Variants in KCNMA1 observed in about 807,000 individuals in gnomAD.
The protein encoded by KCNMA1 is Calcium-activated potassium channel subunit alpha-1.
A neutral mutation model predicts 140.0 loss-of-function variants in KCNMA1; 29 were observed. The ratio of observed to expected loss-of-function variants is 0.21; its 90% CI spans 0.15 to 0.28. The LOEUF (loss-of-function observed/expected upper bound fraction) is 0.28, where lower values mean the gene tolerates loss of function less well. Among genes scored for constraint, KCNMA1 ranks in the 10% least tolerant of loss-of-function variants. The pLI is 1.00. For synonymous variants in KCNMA1, 612 were observed against 611.9 expected, an observed-to-expected ratio of 1.00 and a Z score of 0.00; for missense variants, 880 against 1,602.2, an observed-to-expected ratio of 0.55 and a Z score of 7.70.
chr10:77,524,533 T>C (rs184707780), intron 1 of KCNMA1, among the ~76,000 whole-genome samples: 26 of 152,264 alleles, frequency 1.7e-4, no homozygotes, highest in African/African-American at 6.3e-4. Context: ...TCTGACACTC[T>C]CAAAAACATG....
At chr10:76,876,261 T>A (rs2032360077), downstream of KCNMA1, 1 of 152,646 alleles carries the variant, frequency 6.6e-6, no homozygotes, top group Non-Finnish European at 1.5e-5. Flanking sequence ...TTAGCTTGGT[T>A]CCATTAAGTG....
intron 12 of KCNMA1, among the ~76,000 whole-genome samples, chr10:77,082,705 C>T (rs1034966989): frequency 2.0e-5 from 3 of 151,988 alleles, no homozygotes; most frequent in Non-Finnish European, 2.9e-5. Context: ...GTAACTGATT[C>T]GGGAATGAGC....
intron 15 of KCNMA1, among the ~76,000 whole-genome samples, chr10:77,035,754 A>G (rs944205111): frequency 6.6e-6 from 1 of 152,212 alleles, no homozygotes; most frequent in African/African-American, 2.4e-5. Context: ...AAGTGCTTCT[A>G]TTATATTCAA....
intron 2 of KCNMA1, among the ~76,000 whole-genome samples, chr10:77,334,361 T>C (rs2087918798): frequency 1.3e-5 from 2 of 152,216 alleles, no homozygotes; most frequent in African/African-American, 4.8e-5. Flanking sequence ...GGTCTTTATA[T>C]ATGTAAATTA....
intron 2 of KCNMA1, among the ~76,000 whole-genome samples, chr10:77,373,283 T>G (rs780170780): frequency 6.6e-6 from 1 of 152,218 alleles, no homozygotes; most frequent in African/African-American, 2.4e-5. Context: ...AAAATTATAC[T>G]TTGCCACCCA....
chr10:77,627,543 A>G (rs1392594791), intron 1 of KCNMA1, among the ~76,000 whole-genome samples: 1 of 152,196 alleles, frequency 6.6e-6, no homozygotes, highest in East Asian at 1.9e-4. Context: ...GAACCCAGGG[A>G]AGCCATCAGG....
intron 2 of KCNMA1, among the ~76,000 whole-genome samples, chr10:77,371,820 C>T (rs1337433648): frequency 6.6e-6 from 1 of 152,204 alleles, no homozygotes; most frequent in Non-Finnish European, 1.5e-5. Flanking sequence ...TGCTTCTAGG[C>T]TCTGCTGGGA....
At chr10:77,015,566 C>T (rs1224941803) in intron 17 of KCNMA1, among the ~76,000 whole-genome samples, 1 of 152,054 alleles carries the variant, frequency 6.6e-6, no homozygotes, top group African/African-American at 2.4e-5. Context: ...CACACTTATC[C>T]CCAGAACTCC....
At chr10:77,324,607 C>T (rs2083331738) in intron 2 of KCNMA1, among the ~76,000 whole-genome samples, 1 of 152,146 alleles carries the variant, frequency 6.6e-6, no homozygotes, top group South Asian at 2.1e-4. Flanking sequence ...CAGGGTATCA[C>T]TATGCTGCCC....
At chr10:77,550,601 C>T (rs528301000) in intron 1 of KCNMA1, among the ~76,000 whole-genome samples, 30 of 152,324 alleles carry the variant, frequency 2.0e-4, no homozygotes, top group African/African-American at 6.5e-4. Context: ...CTGGAGCAGG[C>T]GTCTCGGCAG....
intron 2 of KCNMA1, among the ~76,000 whole-genome samples, chr10:77,299,933 G>A (rs1013923526): frequency 2.6e-5 from 4 of 152,204 alleles, no homozygotes; most frequent in African/African-American, 4.8e-5. Context: ...GCTCAGAAAG[G>A]TGAAAGAACC....
At chr10:77,602,507 A>G (rs987780712) in intron 1 of KCNMA1, among the ~76,000 whole-genome samples, 1 of 152,190 alleles carries the variant, frequency 6.6e-6, no homozygotes, top group African/African-American at 2.4e-5. Flanking sequence ...AACTCTCTGT[A>G]TATACTAAAA....
At chr10:77,394,475 A>G (rs189755603) in intron 2 of KCNMA1, among the ~76,000 whole-genome samples, 106 of 152,324 alleles carry the variant, frequency 7.0e-4, no homozygotes, top group Admixed American at 1.6e-3. Flanking sequence ...CTGAGCTGCC[A>G]GCAGGGCCTG....
chr10:77,074,095 A>T (rs1223697145), intron 13 of KCNMA1, among the ~76,000 whole-genome samples: 1 of 152,232 alleles, frequency 6.6e-6, no homozygotes, highest in East Asian at 1.9e-4. Flanking sequence ...CAAGGCTTTC[A>T]TGTCAAGTAC....
intron 3 of KCNMA1, among the ~76,000 whole-genome samples, chr10:77,211,800 C>T (rs1223538472): frequency 6.6e-6 from 1 of 152,132 alleles, no homozygotes; most frequent in Non-Finnish European, 1.5e-5. Flanking sequence ...CATGAAATGA[C>T]ACTTCTCAAA....
chr10:77,079,818 C>A (rs566324431), intron 12 of KCNMA1: 3 of 519,550 alleles, frequency 5.8e-6, no homozygotes, highest in Admixed American at 3.2e-5. Flanking sequence ...TTCCCTATAA[C>A]CTCTAGGCCC....
rs576654675 is a variant in KCNMA1, at chr10:77,127,912, T to G, written c.809-6864A>C. Among the ~76,000 whole-genome samples, 32 of 152,098 alleles carry G rather than the reference T, an allele frequency of 2.1e-4. No homozygotes were observed. In the South Asian group the frequency reaches 4.0e-3, roughly 19 times the overall value. On this transcript the variant is annotated intron_variant, in intron 5 of 27. Coordinates refer to ENST00000286628, the MANE Select transcript of KCNMA1 (RefSeq NM_001161352.2). Reference sequence around the variant, plus strand: ...TCACTTGAACCTGGGAGGTGGAAGTTGCAGTGAGCCGAGATCTCGCCACTG... The same window carrying G: ...TCACTTGAACCTGGGAGGTGGAAGTGGCAGTGAGCCGAGATCTCGCCACTG...
At chr10:77,113,195 A>G (rs1332010971) in intron 6 of KCNMA1, among the ~76,000 whole-genome samples, 3 of 147,980 alleles carry the variant, frequency 2.0e-5, no homozygotes, top group Admixed American at 6.6e-5. Context: ...CCATATAGAC[A>G]TTGTCACAAA....
chr10:77,012,055 G>C lies in KCNMA1; in HGVS notation c.2016-12C>G. ...AGTAAAAAAATGCCCTGGAGAAAGA[G>C]AATGGAAAAACTGACACGTTTCATA... On this transcript the variant is annotated splice_polypyrimidine_tract_variant and intron_variant, in intron 17 of 27. Transcript: ENST00000286628. 6.2e-7 allele frequency: 1 copy of C among 1,613,560 alleles called. No homozygotes were observed. The highest frequency in any genetic ancestry group is 8.5e-7 in the Non-Finnish European group (1 of 1,179,726).
Sources: allele counts gnomAD v4.1 joint callset (sites outside exome capture counted in the v4.1 genomes callset), GRCh38; gene constraint gnomAD v4.1.1; transcripts MANE v1.5; gene names NCBI Gene and HGNC (gene_info 2026-07-23, HGNC 2026-07-21).